DEK: variants seen among roughly 807,000 people sequenced by gnomAD.
DEK encodes the protein protein DEK.
In DEK, 28 loss-of-function variants were observed where a neutral mutation model predicts 46.8. The ratio of observed to expected loss-of-function variants is 0.60; its 90% CI spans 0.44 to 0.82. The LOEUF (loss-of-function observed/expected upper bound fraction) is 0.82, where lower values mean the gene tolerates loss of function less well. Ranked by LOEUF, DEK falls within the 40% of genes least tolerant of loss-of-function variation. The pLI is 0.00. For synonymous variants in DEK, 160 were observed against 144.5 expected (o/e 1.11, Z -0.77); for missense variants, 416 against 430.6 (o/e 0.97, Z 0.30).
In DEK at chr6:18,255,903, A is replaced by T. The variant is rs2151092541; in HGVS notation, c.453-52T>A. 2.6e-6 allele frequency: 4 copies of T among 1,561,150 alleles called. No individual in the cohort carries two copies. The East Asian group carries it at 9.0e-5, about 35-fold the overall frequency. ...GGTGTTAATATAGGAAAGCTTACAT[A>T]TGTTCTCCACAATATAAAGGGAAAG... is the stretch of plus-strand genomic sequence containing the variant. On this transcript the variant is annotated intron_variant, in intron 5 of 10. Coordinates refer to ENST00000652689, the MANE Select transcript of DEK (RefSeq NM_003472.4).
At chr6:18,258,151 A>G in intron 3 of DEK, 89 bp from the exon 4 acceptor site, 1 of 1,115,384 alleles carries the variant, frequency 9.0e-7, no homozygotes, top group Non-Finnish European at 1.3e-6. Flanking sequence ...TTCACAGCAT[A>G]ATTTACATGT....
At chr6:18,244,597 G>C in intron 7 of DEK, 1 of 1,284,806 alleles carries the variant, frequency 7.8e-7, no homozygotes, top group East Asian at 5.6e-5. Context: ...ACAGCAGAAA[G>C]GTTGTACTGG....
chr6:18,235,615 G>C (rs900244804), intron 9 of DEK, among the ~76,000 whole-genome samples: 1 of 152,132 alleles, frequency 6.6e-6, no homozygotes, highest in Admixed American at 6.5e-5. Context: ...CCTCTTGAAA[G>C]CTAAGTAATG....
intron 7 of DEK, among the ~76,000 whole-genome samples, chr6:18,239,007 C>T (rs1459595394): frequency 6.6e-6 from 1 of 152,146 alleles, no homozygotes; most frequent in Non-Finnish European, 1.5e-5. Context: ...TCACCGCAAC[C>T]TCTGCCTCCC....
At chr6:18,235,363 ATTCCT>A (rs748562837) in intron 9 of DEK, among the ~76,000 whole-genome samples, 9 of 152,118 alleles carry the variant, frequency 5.9e-5, no homozygotes, top group Non-Finnish European at 1.2e-4. Context: ...AACTAATACT[ATTCCT>A]TTCAATTATT....
rs372362254 is a variant in DEK, at chr6:18,236,405, G to T, written c.1047+47C>A. The T allele has an allele frequency of 9.3e-5, 148 of 1,583,470 alleles. 1 individual carries two copies. The African/African-American group carries it at 1.7e-3, about 18-fold the overall frequency. ...GCTTCAAATTCAGAGATAAGTGAAA[G>T]AATTTTTCTAGCAAAAGCAAAATAA... On this transcript the variant is annotated intron_variant, in intron 9 of 10. Transcript: ENST00000652689.
intron 7 of DEK, among the ~76,000 whole-genome samples, chr6:18,244,208 A>G (rs181688244): frequency 3.9e-5 from 6 of 152,272 alleles, no homozygotes; most frequent in Admixed American, 3.9e-4. Context: ...TGATTTCCAA[A>G]TTGTCATGAG....
intron 9 of DEK, among the ~76,000 whole-genome samples, chr6:18,231,930 A>G (rs540502287): frequency 1.3e-5 from 2 of 152,348 alleles, no homozygotes; most frequent in South Asian, 4.1e-4. Flanking sequence ...ATTTCAGACC[A>G]ATATCCCTGA....
At chr6:18,240,639 C>A (rs543972197) in intron 7 of DEK, among the ~76,000 whole-genome samples, 1 of 152,144 alleles carries the variant, frequency 6.6e-6, no homozygotes, top group Admixed American at 6.5e-5. Flanking sequence ...ATATAATTTC[C>A]TCCAATAACT....
rs531238572 is a variant in DEK, at chr6:18,225,331, CTG to C, written c.*386_*387del. On this transcript the variant is annotated 3_prime_UTR_variant, in exon 11 of 11. Transcript: ENST00000652689. ...TTTCATATACTAAATACTACAATCT[CTG>C]TATGTATAAATCCTGGTGATAATAG... 19 of 243,588 alleles carry C rather than the reference CTG, an allele frequency of 7.8e-5. No homozygotes were observed. Among genetic ancestry groups the C allele is most frequent in the East Asian group, 4.8e-4 (8 of 16,602 alleles). The allele number at this position is 243,588 out of a possible 1,614,324, so 15.1% of individuals were successfully genotyped here. A position where few individuals can be genotyped will look rare whatever the true frequency, so the allele number is the denominator to read the frequency against.
intron 9 of DEK, among the ~76,000 whole-genome samples, chr6:18,236,037 G>A (rs1168850506): frequency 6.6e-6 from 1 of 152,126 alleles, no homozygotes; most frequent in East Asian, 1.9e-4. Flanking sequence ...TTAGAAAGAC[G>A]CTGCAGAAGT....
At chr6:18,228,775 G>T (rs1246483140) in intron 9 of DEK, among the ~76,000 whole-genome samples, 1 of 152,244 alleles carries the variant, frequency 6.6e-6, no homozygotes, top group African/African-American at 2.4e-5. Context: ...CTCGCTCATT[G>T]CTAGCACGGC....
intron 7 of DEK, among the ~76,000 whole-genome samples, chr6:18,237,814 T>TAATATTA (rs965515719): frequency 5.3e-5 from 8 of 151,096 alleles, no homozygotes; most frequent in African/African-American, 1.9e-4. Context: ...TAAATATAGA[T>TAATATTA]AATATTATCT....
In DEK at chr6:18,224,750, A is replaced by C. The variant is rs978242814; in HGVS notation, c.*969T>G. Reference sequence around the variant, plus strand: ...GGTTTCCAGTAAATATCAGCATTTTATATGGGCAAAAGCAGTTAATAAAAA... The same window carrying C: ...GGTTTCCAGTAAATATCAGCATTTTCTATGGGCAAAAGCAGTTAATAAAAA... On this transcript the variant is annotated 3_prime_UTR_variant, in exon 11 of 11. Coordinates refer to ENST00000652689, the MANE Select transcript of DEK (RefSeq NM_003472.4). 1 of 214,828 alleles carries C rather than the reference A, an allele frequency of 4.7e-6. No individual in the cohort carries two copies. The highest frequency in any genetic ancestry group is 2.3e-5 in the African/African-American group (1 of 44,298). 13.3% of individuals were successfully genotyped at this position (214,828 alleles called of 1,614,324 possible).
At position 18,227,662 on chromosome 6, in the gene DEK, C is replaced by T. The variant is rs555040523; in HGVS notation, c.1048-1420G>A. ...GTCTCTCGTTTCACCTAACAAGAAACACCCACAGGTGTGGAGGGGCAACCC... is the reference window on the plus strand; with the variant it reads ...GTCTCTCGTTTCACCTAACAAGAAATACCCACAGGTGTGGAGGGGCAACCC... On this transcript the variant is annotated intron_variant, in intron 9 of 10. Coordinates refer to ENST00000652689, the MANE Select transcript of DEK (RefSeq NM_003472.4). Among the ~76,000 whole-genome samples the T allele has an allele frequency of 4.6e-5, 7 of 152,302 alleles. No homozygotes were observed. In the South Asian group the frequency reaches 1.2e-3, roughly 27 times the overall value.
chr6:18,249,890 A>C, intron 6 of DEK, 51 bp from the exon 7 acceptor site: 5 of 1,506,386 alleles, frequency 3.3e-6, no homozygotes, highest in Non-Finnish European at 4.4e-6. Flanking sequence ...TATTTCAATC[A>C]ATTCTCTTCT....
chr6:18,243,983 T>C (rs1285732174), intron 7 of DEK, among the ~76,000 whole-genome samples: 1 of 152,088 alleles, frequency 6.6e-6, no homozygotes, highest in African/African-American at 2.4e-5. Context: ...CAAAAATAAG[T>C]GAAGTACTGA....
rs1380529589 is a variant in DEK, at chr6:18,224,552, G to A, written c.*1167C>T. On this transcript the variant is annotated 3_prime_UTR_variant, in exon 11 of 11. Coordinates refer to ENST00000652689, the MANE Select transcript of DEK (RefSeq NM_003472.4). ...ATGTTGATCATCTAGAATCAACACTGATTAACCAAACTCTGAAAGCCAAGA... is the reference window on the plus strand; with the variant it reads ...ATGTTGATCATCTAGAATCAACACTAATTAACCAAACTCTGAAAGCCAAGA... The A allele has an allele frequency of 5.0e-6, 1 of 201,412 alleles. No homozygotes were observed. Among genetic ancestry groups the A allele is most frequent in the Non-Finnish European group, 1.0e-5 (1 of 98,086 alleles). 12.5% of individuals were successfully genotyped at this position (201,412 alleles called of 1,614,324 possible). A position where few individuals can be genotyped will look rare whatever the true frequency, so the allele number is the denominator to read the frequency against.
At chr6:18,244,238 C>G (rs572583638) in intron 7 of DEK, among the ~76,000 whole-genome samples, 1 of 152,244 alleles carries the variant, frequency 6.6e-6, no homozygotes, top group East Asian at 1.9e-4. Flanking sequence ...TTCGAGTTTG[C>G]TACTTCTCTA....
Sources: allele counts gnomAD v4.1 joint callset (sites outside exome capture counted in the v4.1 genomes callset), GRCh38; gene constraint gnomAD v4.1.1; transcripts MANE v1.5; gene names NCBI Gene and HGNC (gene_info 2026-07-23, HGNC 2026-07-21).